ZC3H12D: variants seen among roughly 807,000 people sequenced by gnomAD.
ZC3H12D encodes zinc finger CCCH-type containing 12D, also known as probable ribonuclease ZC3H12D.
Under a neutral mutation model 24.2 loss-of-function variants are expected in ZC3H12D, and 11 were observed. The observed-to-expected ratio is 0.46, with a 90% confidence interval of 0.29 to 0.75. The LOEUF (loss-of-function observed/expected upper bound fraction) is 0.75. Ranked by LOEUF, ZC3H12D falls within the 30% of genes least tolerant of loss-of-function variation. The probability of loss-of-function intolerance (pLI) is 0.11; values close to 1 mark genes in which losing one functional copy is unlikely to be tolerated. For synonymous variants in ZC3H12D, 333 were observed against 341.8 expected (o/e 0.97, Z 0.28); for missense variants, 740 against 767.7 (o/e 0.96, Z 0.43).
chr6:149,451,490 C>T lies in ZC3H12D; in HGVS notation c.788-11G>A. On this transcript the variant is annotated splice_polypyrimidine_tract_variant and intron_variant, in intron 5 of 5. Transcript: ENST00000409806. ...AGGTGCATTTCTTGCCTGAAAGGGGCGGGGGCAGAGAGGGCGCGACGTGAG... is the reference window on the plus strand; with the variant it reads ...AGGTGCATTTCTTGCCTGAAAGGGGTGGGGGCAGAGAGGGCGCGACGTGAG... The T allele has an allele frequency of 1.9e-6, 3 of 1,557,042 alleles. No individual in the cohort carries two copies. The highest frequency in any genetic ancestry group is 2.6e-6 in the Non-Finnish European group (3 of 1,161,906).
At chr6:149,477,698 A>G (rs759367866) in intron 1 of ZC3H12D, among the ~76,000 whole-genome samples, 14 of 152,136 alleles carry the variant, frequency 9.2e-5, no homozygotes, top group Non-Finnish European at 1.9e-4. Flanking sequence ...CCCACTGAGC[A>G]CCAGGCACAG....
chr6:149,481,747 TC>T (rs1428586202), intron 1 of ZC3H12D, among the ~76,000 whole-genome samples: 1 of 148,690 alleles, frequency 6.7e-6, no homozygotes, highest in African/African-American at 2.5e-5. Flanking sequence ...AGTGTTCCCT[TC>T]CCGAGGGTGA....
At position 149,449,759 on chromosome 6, in the gene ZC3H12D, AAAG is replaced by A. The variant is rs532601038; in HGVS notation, c.*921_*923del. On this transcript the variant is annotated 3_prime_UTR_variant, in exon 6 of 6. Transcript: ENST00000409806. ...GGGCCGAGACTCTGTCTGTTTAAAA[AAAG>A]AAGAAGAAGAAGAAGTAAAAGAAGG... is the stretch of plus-strand genomic sequence containing the variant. The A allele has an allele frequency of 1.4e-3, 215 of 152,222 alleles. No homozygotes were observed. Among genetic ancestry groups the A allele is most frequent in the Admixed American group, 2.0e-3 (30 of 15,276 alleles). 9.4% of individuals were successfully genotyped at this position (152,222 alleles called of 1,614,324 possible).
At chr6:149,470,435 T>C (rs996220853) in intron 2 of ZC3H12D, among the ~76,000 whole-genome samples, 2 of 151,896 alleles carry the variant, frequency 1.3e-5, no homozygotes, top group Admixed American at 6.6e-5. Context: ...CTCAGGAGAC[T>C]GAGGCAGGAG....
Position 149,476,811 on chromosome 6 carries a change from A to AAATAGAATAGAATAGAATAG in ZC3H12D, c.-70-2199_-70-2198insCTATTCTATTCTATTCTATT, listed in dbSNP as rs58370843. 1.8e-3 allele frequency among the ~76,000 whole-genome samples: 274 copies of AAATAGAATAGAATAGAATAG among 151,006 alleles called. 2 individuals carry two copies. The highest frequency in any genetic ancestry group is 6.2e-3 in the African/African-American group (256 of 41,036). On this transcript the variant is annotated intron_variant, in intron 1 of 5. Transcript: ENST00000409806. Reference sequence around the variant, plus strand: ...TGACAGAGCAAGACCCTGTCTAAAAAAATAGAATAGAATAGAATAAAAATG... The same window carrying AAATAGAATAGAATAGAATAG: ...TGACAGAGCAAGACCCTGTCTAAAAAAATAGAATAGAATAGAATAGAATAGAATAGAATAGAATAAAAATG...
intron 2 of ZC3H12D, among the ~76,000 whole-genome samples, chr6:149,462,823 T>C (rs962897105): frequency 3.7e-4 from 56 of 152,332 alleles, no homozygotes; most frequent in African/African-American, 1.3e-3. Flanking sequence ...TTTTGGACTG[T>C]TGGACTTACA....
At chr6:149,458,411 A>G (rs1776021640) in intron 3 of ZC3H12D, among the ~76,000 whole-genome samples, 1 of 152,092 alleles carries the variant, frequency 6.6e-6, no homozygotes, top group Non-Finnish European at 1.5e-5. Flanking sequence ...CTGGGATTAC[A>G]GGCGTGAGTC....
At chr6:149,453,697 C>G (rs1034375603) in intron 4 of ZC3H12D, among the ~76,000 whole-genome samples, 1 of 152,168 alleles carries the variant, frequency 6.6e-6, no homozygotes, top group Non-Finnish European at 1.5e-5. Flanking sequence ...AAGGGCTCCT[C>G]TGGCTTCCCA....
chr6:149,465,898 G>T (rs1450619196), intron 2 of ZC3H12D, among the ~76,000 whole-genome samples: 1 of 139,848 alleles, frequency 7.2e-6, no homozygotes, highest in Non-Finnish European at 1.5e-5. Flanking sequence ...AACCATAGGG[G>T]AGGGGGAGAT....
rs533346819 is a variant in ZC3H12D at position 149,456,476 on chromosome 6, G to A, written c.680+190C>T. Among the ~76,000 whole-genome samples, 11 of 152,206 alleles carry A rather than the reference G, an allele frequency of 7.2e-5. No individual in the cohort carries two copies. Among genetic ancestry groups the A allele is most frequent in the African/African-American group, 2.6e-4 (11 of 41,536 alleles). On this transcript the variant is annotated intron_variant, in intron 4 of 5. Transcript: ENST00000409806. This position sits in a 1 kb window ranked among gnomAD's most constrained non-coding sequence, Gnocchi z 4.3. ...CAGATGTGGCCCTGGGAACAGCAAG[G>A]TCAGAGCAAAGCAGCCCACCTATTG...
rs2115005337 is a variant in ZC3H12D, at chr6:149,460,962, A to G, written c.445+869T>C. Among the ~76,000 whole-genome samples, 3 of 152,254 alleles carry G rather than the reference A, an allele frequency of 2.0e-5. 1 individual carries two copies. Among genetic ancestry groups the G allele is most frequent in the African/African-American group, 7.2e-5 (3 of 41,530 alleles). On this transcript the variant is annotated intron_variant, in intron 3 of 5. Coordinates refer to ENST00000409806, the MANE Select transcript of ZC3H12D (RefSeq NM_207360.3). Reference sequence around the variant, plus strand: ...CAAGTCTGCAATGAGCCATAGTGAGACTCCATCTCAAAACTAAATAAATAA... The same window carrying G: ...CAAGTCTGCAATGAGCCATAGTGAGGCTCCATCTCAAAACTAAATAAATAA...
At chr6:149,475,372 G>A (rs1776318870) in intron 1 of ZC3H12D, among the ~76,000 whole-genome samples, 1 of 152,198 alleles carries the variant, frequency 6.6e-6, no homozygotes, top group Admixed American at 6.5e-5. Context: ...TTGCTGCCCT[G>A]CACAGCTTTC....
At chr6:149,454,014 T>C (rs183872239) in intron 4 of ZC3H12D, among the ~76,000 whole-genome samples, 9 of 152,322 alleles carry the variant, frequency 5.9e-5, no homozygotes, top group East Asian at 5.8e-4. Flanking sequence ...AGAGATTCAA[T>C]AGGAACAGGG....
Position 149,456,641 on chromosome 6 carries a change from GT to G in ZC3H12D, c.680+24del. On this transcript the variant is annotated intron_variant, in intron 4 of 5. Transcript: ENST00000409806. The surrounding 1 kb of genome is among the most constrained non-coding windows in gnomAD (Gnocchi z 4.3). ...GCCCCCCGCCCCGCCGCCCCCCAGGGTGTCAGGACCCCAGCCGGACCTACCG... is the reference window on the plus strand; with the variant it reads ...GCCCCCCGCCCCGCCGCCCCCCAGGGGTCAGGACCCCAGCCGGACCTACCG... The G allele has an allele frequency of 2.4e-5, 37 of 1,571,090 alleles. No individual in the cohort carries two copies. Among genetic ancestry groups the G allele is most frequent in the Non-Finnish European group, 2.9e-5 (33 of 1,144,336 alleles).
intron 1 of ZC3H12D, chr6:149,483,093 A>C (rs1462650660): frequency 6.5e-6 from 1 of 152,824 alleles, no homozygotes; most frequent in Admixed American, 6.5e-5. Flanking sequence ...CAGCCTCCAG[A>C]ACTCAGCCAC....
In ZC3H12D at chr6:149,451,325, G is replaced by A; in HGVS notation, c.942C>T (p.Gly314=). 8.0e-6 allele frequency: 11 copies of A among 1,367,340 alleles called. No homozygotes were observed. The highest frequency in any genetic ancestry group is 1.0e-5 in the Non-Finnish European group (11 of 1,070,670). The allele number at this position is 1,367,340 out of a possible 1,614,324, so 84.7% of individuals were successfully genotyped here. A position where few individuals can be genotyped will look rare whatever the true frequency, so the allele number is the denominator to read the frequency against. ...EEQRPPRAPG[G]SAGARAAPRE... ...GGGGGGCCGCCCGGGCTCCTGCGGA[G>A]CCGCCCGGGGCTCTCGGTGGCCGCT... The change falls in exon 6 of 6, where the codon GGC becomes GGT. Residue 314 remains glycine, a synonymous_variant. Transcript: ENST00000409806.
In ZC3H12D at chr6:149,451,141, G is replaced by A; in HGVS notation, c.1126C>T (p.Pro376Ser). ...CGGCCGCCCGCGGACACCCAGTCGG[G>A]CCCGCCCAGTCGGGGCGTGAGGCTG... The part of the protein sequence containing the change: ...ACSLTPRLGG[P>S]DWVSAGGRVP... The change falls in exon 6 of 6, where the codon CCC becomes TCC. Residue 376 changes from proline (P) to serine (S), a missense_variant. By Grantham distance (74) the Pro-to-Ser change is moderately conservative. Transcript: ENST00000409806. 7.5e-7 allele frequency: 1 copy of A among 1,340,558 alleles called. No homozygotes were observed. Among genetic ancestry groups the A allele is most frequent in the African/African-American group, 1.5e-5 (1 of 64,888 alleles). 83.0% of individuals were successfully genotyped at this position (1,340,558 alleles called of 1,614,324 possible).
intron 2 of ZC3H12D, 106 bp from the exon 3 acceptor site, chr6:149,462,076 G>A (rs1446799300): frequency 7.1e-7 from 1 of 1,400,154 alleles, no homozygotes; most frequent in Non-Finnish European, 9.5e-7. Context: ...AGGGAACCAG[G>A]AAAATCTATG....
chr6:149,462,567 A>G (rs1197503345), intron 2 of ZC3H12D, among the ~76,000 whole-genome samples: 1 of 152,226 alleles, frequency 6.6e-6, no homozygotes, highest in Non-Finnish European at 1.5e-5. Flanking sequence ...TGAAGAATGC[A>G]AAGTATTGTT....
Sources: allele counts gnomAD v4.1 joint callset (sites outside exome capture counted in the v4.1 genomes callset), GRCh38; gene constraint gnomAD v4.1.1; non-coding constraint Gnocchi (gnomAD v3.1); transcripts MANE v1.5; gene names NCBI Gene and HGNC (gene_info 2026-07-23, HGNC 2026-07-21).